SLC25A53: variants seen among roughly 807,000 people sequenced by gnomAD.
SLC25A53 encodes mitochondrial carrier triple repeat protein 6.
SLC25A53 carries 5 observed loss-of-function variants against 15.0 expected under a neutral mutation model. The ratio of observed to expected loss-of-function variants is 0.33; its 90% CI spans 0.17 to 0.70. The LOEUF is 0.70. Ranked by LOEUF, SLC25A53 falls within the 30% of genes least tolerant of loss-of-function variation. The pLI, the probability that SLC25A53 is intolerant of heterozygous loss-of-function variation, is 0.67. For missense variants in SLC25A53, 216 were observed against 241.6 expected, an observed-to-expected ratio of 0.89 and a Z score of 0.70; for synonymous variants, 95 against 100.0, an observed-to-expected ratio of 0.95 and a Z score of 0.30.
intron 1 of SLC25A53, among the ~76,000 whole-genome samples, chrX:104,138,056 G>A (rs1388525315): frequency 8.9e-6 from 1 of 111,840 alleles, no homozygotes; most frequent in African/African-American, 3.3e-5. Flanking sequence ...CACTCACACG[G>A]TTTTTAGGCT....
chrX:104,138,659 G>C (rs1390649086), intron 1 of SLC25A53, among the ~76,000 whole-genome samples: 2 of 112,413 alleles, frequency 1.8e-5, no homozygotes, highest in African/African-American at 6.5e-5. Flanking sequence ...ATCACACGTG[G>C]GCTTGGAGAA....
chrX:104,131,385 G>T (rs1488182549), intron 1 of SLC25A53, among the ~76,000 whole-genome samples: 1 of 111,579 alleles, frequency 9.0e-6, no homozygotes, highest in Non-Finnish European at 1.9e-5. Flanking sequence ...TTACTTGGAG[G>T]CTTGGTTGAT....
At position 104,101,512 on chromosome X, in the gene SLC25A53, T is replaced by C. The variant is rs2075280577; in HGVS notation, c.*2822A>G. The C allele has an allele frequency of 8.9e-6, 1 of 112,202 alleles. No homozygotes were observed. The highest frequency in any genetic ancestry group is 3.2e-5 in the African/African-American group (1 of 30,809). The allele number at this position is 112,202 out of a possible 1,213,427, so 9.2% of individuals were successfully genotyped here. A position where few individuals can be genotyped will look rare whatever the true frequency, so the allele number is the denominator to read the frequency against. ...TATTAGCATACAAAAAGATATCACTTTGGAAATTCTAAGGATTTTAGGAGT... is the reference window on the plus strand; with the variant it reads ...TATTAGCATACAAAAAGATATCACTCTGGAAATTCTAAGGATTTTAGGAGT... On this transcript the variant is annotated 3_prime_UTR_variant, in exon 2 of 2. Coordinates refer to ENST00000594199, the MANE Select transcript of SLC25A53 (RefSeq NM_001012755.5).
In SLC25A53 at chrX:104,103,545, A is replaced by C. The variant is rs782616281; in HGVS notation, c.*789T>G. On this transcript the variant is annotated 3_prime_UTR_variant, in exon 2 of 2. Coordinates refer to ENST00000594199, the MANE Select transcript of SLC25A53 (RefSeq NM_001012755.5). ...TTCTGTGAAGAGATATGGTCACTTC[A>C]CTTCCAGGTTTCTTAGGGAAACTCA... The C allele has an allele frequency of 8.9e-6, 1 of 111,958 alleles. No individual in the cohort carries two copies. Among genetic ancestry groups the C allele is most frequent in the Non-Finnish European group, 1.9e-5 (1 of 53,222 alleles). The allele number at this position is 111,958 out of a possible 1,213,427, so 9.2% of individuals were successfully genotyped here.
chrX:104,105,556 C>T (rs1343201673), intron 1 of SLC25A53, among the ~76,000 whole-genome samples: 13 of 112,139 alleles, frequency 1.2e-4, no homozygotes, highest in Non-Finnish European at 2.1e-4. Context: ...CAAAGGATTA[C>T]GACTGAAAAA....
intron 1 of SLC25A53, among the ~76,000 whole-genome samples, chrX:104,117,747 A>G (rs1323197355): frequency 1.8e-5 from 2 of 111,849 alleles, no homozygotes; most frequent in Non-Finnish European, 3.8e-5. Flanking sequence ...CAAGATTAGA[A>G]TATAGTTCCC....
chrX:104,156,160 G>C (rs907203773), intron 1 of SLC25A53, among the ~76,000 whole-genome samples: 2 of 110,794 alleles, frequency 1.8e-5, no homozygotes, highest in Non-Finnish European at 3.8e-5. Flanking sequence ...GGGAGGGAAG[G>C]TGCTTGGAGG....
chrX:104,120,390 T>G (rs1257848329), intron 1 of SLC25A53, among the ~76,000 whole-genome samples: 3 of 112,155 alleles, frequency 2.7e-5, no homozygotes, highest in Non-Finnish European at 5.6e-5. Flanking sequence ...TCAACAAAGC[T>G]TCATAACTTT....
chrX:104,144,537 T>C (rs1273344215), intron 1 of SLC25A53, among the ~76,000 whole-genome samples: 1 of 111,738 alleles, frequency 8.9e-6, no homozygotes, highest in Admixed American at 9.5e-5. Flanking sequence ...ACTGGCCTTC[T>C]GCATCGATCT....
chrX:104,135,102 G>A (rs1266274409), intron 1 of SLC25A53, among the ~76,000 whole-genome samples: 2 of 110,480 alleles, frequency 1.8e-5, no homozygotes, highest in Non-Finnish European at 3.8e-5. Context: ...TGGCTGCTGT[G>A]GCACCACACC....
chrX:104,151,773 A>G (rs1233169887), intron 1 of SLC25A53, among the ~76,000 whole-genome samples: 2 of 112,210 alleles, frequency 1.8e-5, no homozygotes, highest in Non-Finnish European at 3.8e-5. Flanking sequence ...TTCATGCAAC[A>G]AAATTAAATC....
At chrX:104,107,956 G>C (rs188041301) in intron 1 of SLC25A53, among the ~76,000 whole-genome samples, 2 of 112,130 alleles carry the variant, frequency 1.8e-5, no homozygotes, top group South Asian at 3.7e-4. Context: ...ATCTGTCAGA[G>C]GGGGGTGATA....
chrX:104,116,010 A>G (rs1556361259), intron 1 of SLC25A53, among the ~76,000 whole-genome samples: 1 of 110,750 alleles, frequency 9.0e-6, no homozygotes, highest in Non-Finnish European at 1.9e-5. Context: ...ACAACCCCTT[A>G]ACACAACTGA....
intron 1 of SLC25A53, chrX:104,115,533 A>G: frequency 5.5e-6 from 2 of 365,910 alleles, no homozygotes; most frequent in South Asian, 2.0e-4. Flanking sequence ...TTAAGGGTCT[A>G]TTCTCCATGT....
intron 1 of SLC25A53, among the ~76,000 whole-genome samples, chrX:104,132,145 A>T (rs2075426997): frequency 8.9e-6 from 1 of 112,515 alleles, no homozygotes; most frequent in Non-Finnish European, 1.9e-5. Context: ...TGATCTGTAA[A>T]CCATATAGAA....
chrX:104,152,285 T>C (rs2147882195), intron 1 of SLC25A53, among the ~76,000 whole-genome samples: 1 of 95,254 alleles, frequency 1.0e-5, no homozygotes, highest in South Asian at 6.0e-4. Flanking sequence ...TGTCCATATG[T>C]TCTCAATGTT....
intron 1 of SLC25A53, among the ~76,000 whole-genome samples, chrX:104,154,563 C>G (rs2075494791): frequency 8.9e-6 from 1 of 112,315 alleles, no homozygotes; most frequent in Non-Finnish European, 1.9e-5. Context: ...TCACAATAGC[C>G]AAGTTATGGG....
chrX:104,125,461 T>C (rs1479402434), intron 1 of SLC25A53, among the ~76,000 whole-genome samples: 1 of 111,384 alleles, frequency 9.0e-6, no homozygotes, highest in Non-Finnish European at 1.9e-5. Flanking sequence ...AAATTATAGT[T>C]TCACCTCACT....
chrX:104,151,341 A>G (rs1230777949), intron 1 of SLC25A53, among the ~76,000 whole-genome samples: 1 of 111,413 alleles, frequency 9.0e-6, no homozygotes, highest in Non-Finnish European at 1.9e-5. Context: ...CAGATTCACA[A>G]TCCTATTTCT....
Sources: gnomAD v4.1 joint callset for allele counts (sites outside exome capture counted in the v4.1 genomes callset) on GRCh38, gnomAD v4.1.1 for gene constraint, MANE v1.5 for transcripts, NCBI Gene and HGNC (gene_info 2026-07-23, HGNC 2026-07-21) for gene names.